RPH3A: variants seen among roughly 807,000 people sequenced by gnomAD.
RPH3A encodes rabphilin 3A, also known as rabphilin-3A.
RPH3A carries 48 observed loss-of-function variants against 102.2 expected under a neutral mutation model. The ratio of observed to expected loss-of-function variants is 0.47; its 90% CI spans 0.37 to 0.60. RPH3A has a LOEUF of 0.60. Among genes scored for constraint, RPH3A ranks in the 20% least tolerant of loss-of-function variants. The pLI is 0.00. For synonymous variants in RPH3A, 310 were observed against 324.3 expected, an observed-to-expected ratio of 0.96 and a Z score of 0.47; for missense variants, 781 against 910.1, an observed-to-expected ratio of 0.86 and a Z score of 1.83.
upstream of RPH3A, among the ~76,000 whole-genome samples, chr12:112,790,504 TAGAG>T (rs1487220354): frequency 2.6e-5 from 4 of 152,200 alleles, no homozygotes; most frequent in African/African-American, 9.7e-5. Flanking sequence ...GAGTCTCCAA[TAGAG>T]AGAGTTCTCC....
chr12:112,609,780 G>T lies in RPH3A; in HGVS notation c.-140+34461G>T, dbSNP rs78633417. The stretch of plus-strand genomic sequence containing the variant: ...ATGCCTATTGTTCAAAAGCATCTCA[G>T]TGATGGGAAACATAACCAGCCCCAC... On this transcript the variant is annotated intron_variant, in intron 1 of 21. Coordinates refer to the RPH3A transcript ENST00000543106. Among the ~76,000 whole-genome samples, 66 of 152,274 alleles carry T rather than the reference G, an allele frequency of 4.3e-4. 1 individual carries two copies. The East Asian group carries it at 0.012, about 28-fold the overall frequency.
At chr12:112,701,347 G>A (rs2040392958) in intron 1 of RPH3A, among the ~76,000 whole-genome samples, 1 of 152,174 alleles carries the variant, frequency 6.6e-6, no homozygotes, top group South Asian at 2.1e-4. Flanking sequence ...CAAGCCTGGT[G>A]GCTAAAATTT....
At position 112,882,570 on chromosome 12, in the gene RPH3A, C is replaced by T. The variant is rs150223093; in HGVS notation, c.1327-723C>T. 6.1e-3 allele frequency among the ~76,000 whole-genome samples: 924 copies of T among 152,314 alleles called. 6 individuals are homozygous for T. Among genetic ancestry groups the T allele is most frequent in the Middle Eastern group, 0.027 (8 of 294 alleles). Reference sequence around the variant, plus strand: ...GACACATGTACGCACCTGTACACACCGCCCTCCACCCTCAACACACACGCG... The same window carrying T: ...GACACATGTACGCACCTGTACACACTGCCCTCCACCCTCAACACACACGCG... On this transcript the variant is annotated intron_variant, in intron 15 of 21. Coordinates refer to ENST00000389385, the MANE Select transcript of RPH3A (RefSeq NM_001143854.2).
Position 112,682,355 on chromosome 12 carries a change from CTT to C in RPH3A, c.-140+107051_-140+107052del, listed in dbSNP as rs35365778. Among the ~76,000 whole-genome samples the C allele has an allele frequency of 1.8e-3, 213 of 116,498 alleles. 1 individual carries two copies. Among genetic ancestry groups the C allele is most frequent in the Middle Eastern group, 4.1e-3 (1 of 242 alleles). 76.4% of individuals were successfully genotyped at this position (116,498 alleles called of 152,430 possible). The stretch of plus-strand genomic sequence containing the variant: ...GCGAATTTGTCTTTTTTCTTTCTTT[CTT>C]TTTTTTTTTTTTTTCTGTTCTTGGA... On this transcript the variant is annotated intron_variant, in intron 1 of 21. Transcript: ENST00000543106.
intron 5 of RPH3A, among the ~76,000 whole-genome samples, chr12:112,852,139 C>T (rs575121112): frequency 8.5e-5 from 13 of 152,282 alleles, no homozygotes; most frequent in Non-Finnish European, 1.5e-4. Flanking sequence ...TTTACTCCCC[C>T]GTCTGTACCT....
intron 1 of RPH3A, among the ~76,000 whole-genome samples, chr12:112,613,293 T>C (rs1409277254): frequency 1.3e-5 from 2 of 151,744 alleles, no homozygotes; most frequent in African/African-American, 2.4e-5. Context: ...TGTGTAATGG[T>C]TGGAGAGACC....
chr12:112,826,194 G>A (rs1263454437), intron 2 of RPH3A, among the ~76,000 whole-genome samples: 1 of 152,220 alleles, frequency 6.6e-6, no homozygotes, highest in African/African-American at 2.4e-5. Flanking sequence ...GATAGAGAGA[G>A]CCAGACAGGC....
chr12:112,789,475 A>ATG (rs1555208790), upstream of RPH3A, among the ~76,000 whole-genome samples: 1 of 152,340 alleles, frequency 6.6e-6, no homozygotes. Context: ...ATCATACGAC[A>ATG]CTGAGTTTGA....
At chr12:112,740,776 G>A (rs1409332194) in intron 1 of RPH3A, among the ~76,000 whole-genome samples, 1 of 152,186 alleles carries the variant, frequency 6.6e-6, no homozygotes, top group Non-Finnish European at 1.5e-5. Context: ...GTTCCATTTT[G>A]CATCATGATT....
rs573273962 is a variant in RPH3A at position 112,600,631 on chromosome 12, C to T, written c.-140+25312C>T. Among the ~76,000 whole-genome samples the T allele has an allele frequency of 2.0e-5, 3 of 152,352 alleles. No individual in the cohort carries two copies. In the South Asian group the frequency reaches 6.2e-4, roughly 32 times the overall value. On this transcript the variant is annotated intron_variant, in intron 1 of 21. Coordinates refer to the RPH3A transcript ENST00000543106. The stretch of plus-strand genomic sequence containing the variant: ...ATCACTATCAGCATTTTGGTCAAAA[C>T]CATTCAACAAGTCTCTAGGAAGTTC...
intron 1 of RPH3A, among the ~76,000 whole-genome samples, chr12:112,734,745 G>A (rs142407880): frequency 9.9e-4 from 150 of 152,242 alleles, no homozygotes; most frequent in Non-Finnish European, 2.0e-3. Flanking sequence ...GACCATATAG[G>A]GTATCTTTCT....
intron 1 of RPH3A, among the ~76,000 whole-genome samples, chr12:112,599,083 C>T (rs1481980863): frequency 2.6e-5 from 4 of 152,220 alleles, no homozygotes; most frequent in East Asian, 3.8e-4. Context: ...CTGCTGTCAG[C>T]ATCTTGCCAC....
At chr12:112,755,811 T>A (rs1445847253) in intron 1 of RPH3A, among the ~76,000 whole-genome samples, 1 of 152,194 alleles carries the variant, frequency 6.6e-6, no homozygotes, top group East Asian at 1.9e-4. Flanking sequence ...AGCATGAGAA[T>A]AAACAATTAC....
chr12:112,682,162 A>G (rs1162019959), intron 1 of RPH3A, among the ~76,000 whole-genome samples: 1 of 152,106 alleles, frequency 6.6e-6, no homozygotes, highest in Non-Finnish European at 1.5e-5. Context: ...ATAAGAGGGG[A>G]TTTATTATGG....
intron 1 of RPH3A, among the ~76,000 whole-genome samples, chr12:112,757,789 G>A (rs2136064694): frequency 6.6e-6 from 1 of 152,274 alleles, no homozygotes; most frequent in East Asian, 1.9e-4. Context: ...CAGATGAGCA[G>A]GTGGCAGGTT....
At chr12:112,737,923 A>G (rs1476150205) in intron 1 of RPH3A, among the ~76,000 whole-genome samples, 3 of 152,200 alleles carry the variant, frequency 2.0e-5, no homozygotes, top group Admixed American at 6.5e-5. Context: ...GGCTGCTTTA[A>G]TAAGTTACCA....
chr12:112,668,852 T>C (rs1486671425), intron 1 of RPH3A, among the ~76,000 whole-genome samples: 3 of 152,058 alleles, frequency 2.0e-5, no homozygotes, highest in Non-Finnish European at 2.9e-5. Context: ...GAGAATGAAT[T>C]AGCAGTGCAG....
intron 1 of RPH3A, among the ~76,000 whole-genome samples, chr12:112,715,791 C>T (rs1436861535): frequency 6.6e-6 from 1 of 152,008 alleles, no homozygotes; most frequent in Non-Finnish European, 1.5e-5. Context: ...CAGAGTAAGC[C>T]CATACAGTAA....
chr12:112,717,503 C>A (rs1219604120), intron 1 of RPH3A, among the ~76,000 whole-genome samples: 1 of 151,898 alleles, frequency 6.6e-6, no homozygotes, highest in African/African-American at 2.4e-5. Context: ...TAATATATCC[C>A]TTTGAATCTG....
Sources: allele counts gnomAD v4.1 joint callset (sites outside exome capture counted in the v4.1 genomes callset), GRCh38; gene constraint gnomAD v4.1.1; transcripts MANE v1.5; gene names NCBI Gene and HGNC (gene_info 2026-07-23, HGNC 2026-07-21).